The following CNBD1 variants were observed in gnomAD, a reference collection of about 807,000 sequenced individuals.
CNBD1 encodes cyclic nucleotide binding domain containing 1, also known as cyclic nucleotide-binding domain-containing protein 1.
In CNBD1, 71 loss-of-function variants were observed where a neutral mutation model predicts 54.4. The ratio of observed to expected loss-of-function variants is 1.30; its 90% confidence interval spans 1.08 to 1.59. CNBD1 has a LOEUF of 1.59. Ranked by LOEUF, CNBD1 falls within the 40% of genes most tolerant of loss-of-function variation. CNBD1 has a pLI of 0.00. For missense variants in CNBD1, 659 were observed against 518.0 expected (o/e 1.27, Z -2.64); for synonymous variants, 182 against 170.7 (o/e 1.07, Z -0.51).
At chr8:86,938,114 A>C (rs1809583849) in intron 3 of CNBD1, among the ~76,000 whole-genome samples, 2 of 152,308 alleles carry the variant, frequency 1.3e-5, no homozygotes, top group South Asian at 4.1e-4. Context: ...AAAGTGCTAT[A>C]GATCTCTAGG....
At chr8:87,272,893 A>G (rs768879488) in intron 6 of CNBD1, among the ~76,000 whole-genome samples, 2 of 151,968 alleles carry the variant, frequency 1.3e-5, no homozygotes, top group Non-Finnish European at 2.9e-5. Flanking sequence ...TAAATTTCAC[A>G]TTATAACACA....
chr8:86,999,023 G>A (rs959956532), intron 4 of CNBD1, among the ~76,000 whole-genome samples: 3 of 152,194 alleles, frequency 2.0e-5, no homozygotes, highest in Non-Finnish European at 4.4e-5. Flanking sequence ...TTGGTCAATT[G>A]TAATCACAAG....
intron 4 of CNBD1, among the ~76,000 whole-genome samples, chr8:87,141,524 G>GT (rs1298043134): frequency 6.6e-6 from 1 of 151,958 alleles, no homozygotes; most frequent in African/African-American, 2.4e-5. Flanking sequence ...TAAGACAGCT[G>GT]TTTTTCCAAC....
intron 5 of CNBD1, among the ~76,000 whole-genome samples, chr8:87,217,529 A>G (rs926483800): frequency 2.0e-5 from 3 of 151,758 alleles, no homozygotes; most frequent in Admixed American, 6.6e-5. Context: ...ATAAGATTGC[A>G]TAACAATTAT....
intron 4 of CNBD1, among the ~76,000 whole-genome samples, chr8:87,102,696 C>T (rs1811455128): frequency 6.6e-6 from 1 of 152,108 alleles, no homozygotes; most frequent in Non-Finnish European, 1.5e-5. Context: ...TCACTGCAAG[C>T]TCTGCCTCCC....
At chr8:86,900,744 G>A (rs577183505) in intron 2 of CNBD1, among the ~76,000 whole-genome samples, 20 of 152,224 alleles carry the variant, frequency 1.3e-4, no homozygotes, top group African/African-American at 4.6e-4. Flanking sequence ...ATGCAAATCA[G>A]ATATTGATTC....
chr8:87,366,313 T>C (rs1282723184), intron 10 of CNBD1, among the ~76,000 whole-genome samples: 1 of 152,042 alleles, frequency 6.6e-6, no homozygotes, highest in Admixed American at 6.6e-5. Context: ...AATTGGTAGA[T>C]TTCATTTCCT....
intron 4 of CNBD1, among the ~76,000 whole-genome samples, chr8:86,972,819 C>T (rs547477432): frequency 2.0e-5 from 3 of 152,198 alleles, no homozygotes; most frequent in Middle Eastern, 3.4e-3. Flanking sequence ...GCCTGTTAGA[C>T]GAGGTTGGCT....
intron 4 of CNBD1, among the ~76,000 whole-genome samples, chr8:86,967,715 G>T (rs1752232897): frequency 6.6e-6 from 1 of 151,594 alleles, no homozygotes; most frequent in Non-Finnish European, 1.5e-5. Context: ...AAGGCCATTA[G>T]CATAGTAATC....
chr8:87,356,398 A>T (rs773765986), intron 10 of CNBD1, among the ~76,000 whole-genome samples: 5 of 152,210 alleles, frequency 3.3e-5, no homozygotes, highest in Non-Finnish European at 5.9e-5. Flanking sequence ...ATGAGGCCTT[A>T]GATGGAAATG....
intron 5 of CNBD1, among the ~76,000 whole-genome samples, chr8:87,236,485 A>G (rs2130825395): frequency 6.6e-6 from 1 of 152,246 alleles, no homozygotes; most frequent in East Asian, 1.9e-4. Context: ...CAGAGCAAAG[A>G]TAAATGAAAA....
intron 4 of CNBD1, among the ~76,000 whole-genome samples, chr8:87,015,837 C>T (rs1809343125): frequency 6.6e-6 from 1 of 151,700 alleles, no homozygotes; most frequent in African/African-American, 2.4e-5. Context: ...AAAAATTAGA[C>T]TGGTGTGGTG....
At chr8:87,079,627 A>G (rs34076124) in intron 4 of CNBD1, among the ~76,000 whole-genome samples, 1,664 of 152,054 alleles carry the variant, frequency 0.011, 29 homozygotes, top group Middle Eastern at 0.017. Context: ...TCGCTTATTG[A>G]TTTATCTTTT....
Position 87,126,151 on chromosome 8 carries a change from A to G in CNBD1, c.432-79842A>G, listed in dbSNP as rs570375419. Reference sequence around the variant, plus strand: ...GTTCTGAACATTCATGAACAAGTCTATTTAAAGACATGTGCTTTCATTTCT... The same window carrying G: ...GTTCTGAACATTCATGAACAAGTCTGTTTAAAGACATGTGCTTTCATTTCT... On this transcript the variant is annotated intron_variant, in intron 4 of 10. Transcript: ENST00000518476. Among the ~76,000 whole-genome samples the G allele has an allele frequency of 2.6e-5, 4 of 152,094 alleles. No individual in the cohort carries two copies. In the East Asian group the frequency reaches 7.7e-4, roughly 29 times the overall value.
intron 4 of CNBD1, among the ~76,000 whole-genome samples, chr8:86,969,096 T>C (rs908419490): frequency 3.3e-5 from 5 of 152,190 alleles, no homozygotes; most frequent in African/African-American, 9.6e-5. Context: ...GAATTTTCCT[T>C]TGGTTTAAGT....
intron 4 of CNBD1, among the ~76,000 whole-genome samples, chr8:87,201,579 G>A (rs1171490976): frequency 6.6e-6 from 1 of 151,820 alleles, no homozygotes; most frequent in African/African-American, 2.4e-5. Context: ...CACCATCAAT[G>A]AAAAATCCAA....
intron 5 of CNBD1, among the ~76,000 whole-genome samples, chr8:87,220,302 C>T (rs1246347907): frequency 6.6e-6 from 1 of 151,344 alleles, no homozygotes; most frequent in East Asian, 1.9e-4. Flanking sequence ...TCGTAGTTTG[C>T]CTTACCAATA....
chr8:87,039,809 ATGGAGATGGAGTCTCCATAGGGT>A (rs892326482), intron 4 of CNBD1, among the ~76,000 whole-genome samples: 11 of 152,270 alleles, frequency 7.2e-5, no homozygotes, highest in African/African-American at 2.4e-4. Context: ...ATGACTCCCT[ATGGAGATGGAGTCTCCATAGGGT>A]TGGAGATGAC....
intron 2 of CNBD1, among the ~76,000 whole-genome samples, chr8:86,902,977 A>G (rs574688113): frequency 2.8e-4 from 43 of 152,274 alleles, no homozygotes; most frequent in Admixed American, 6.5e-5. Flanking sequence ...TGTTGTTTCA[A>G]TGAGACCCTC....
Sources: gnomAD v4.1 joint callset for allele counts (sites outside exome capture counted in the v4.1 genomes callset) on GRCh38, gnomAD v4.1.1 for gene constraint, MANE v1.5 for transcripts, NCBI Gene and HGNC (gene_info 2026-07-23, HGNC 2026-07-21) for gene names.